The following SLC35F4 variants were observed in gnomAD, a reference collection of about 807,000 sequenced individuals.
SLC35F4 encodes chromosome 14 open reading frame 36.
Under a neutral mutation model 44.2 loss-of-function variants are expected in SLC35F4, and 24 were observed. The observed-to-expected ratio is 0.54, with a 90% CI of 0.39 to 0.76. The LOEUF (loss-of-function observed/expected upper bound fraction) is 0.76. Among genes scored for constraint, SLC35F4 ranks in the 30% least tolerant of loss-of-function variants. The pLI is 0.00. For missense variants in SLC35F4, 562 were observed against 586.1 expected, an observed-to-expected ratio of 0.96 and a Z score of 0.42; for synonymous variants, 238 against 223.6, an observed-to-expected ratio of 1.06 and a Z score of -0.57.
chr14:57,947,305 T>C (rs1242413856), intron 1 of SLC35F4, among the ~76,000 whole-genome samples: 4 of 151,648 alleles, frequency 2.6e-5, no homozygotes, highest in African/African-American at 9.7e-5. Context: ...GTAAAAGGGA[T>C]TGAGTTCCTG....
intron 1 of SLC35F4, among the ~76,000 whole-genome samples, chr14:57,660,078 T>C (rs922637718): frequency 6.6e-6 from 1 of 152,190 alleles, no homozygotes; most frequent in African/African-American, 2.4e-5. Context: ...TTGGAAGATA[T>C]GTGTTGGTTT....
At chr14:57,588,838 G>A (rs1050169677) in intron 3 of SLC35F4, among the ~76,000 whole-genome samples, 18 of 152,030 alleles carry the variant, frequency 1.2e-4, no homozygotes, top group African/African-American at 3.1e-4. Context: ...TATAAAACAC[G>A]ACTTTCAGAA....
At chr14:57,909,478 T>C (rs750112617) in intron 1 of SLC35F4, among the ~76,000 whole-genome samples, 8 of 151,808 alleles carry the variant, frequency 5.3e-5, no homozygotes, top group Non-Finnish European at 1.0e-4. Flanking sequence ...CTGGCAACCA[T>C]TGATCCTTTT....
At chr14:57,584,233 T>TA (rs1322656218) in intron 3 of SLC35F4, among the ~76,000 whole-genome samples, 22 of 152,140 alleles carry the variant, frequency 1.4e-4, no homozygotes, top group Non-Finnish European at 4.4e-5. Flanking sequence ...TAAATGATTA[T>TA]AAAAAACTAC....
intron 3 of SLC35F4, 124 bp from the exon 4 acceptor site, chr14:57,581,557 T>C (rs1329225765): frequency 3.9e-5 from 33 of 848,082 alleles, no homozygotes; most frequent in Non-Finnish European, 5.4e-5. Context: ...CATTGTGAAG[T>C]ATACTGAACC....
chr14:57,918,692 G>A (rs1421451784), intron 1 of SLC35F4, among the ~76,000 whole-genome samples: 3 of 152,142 alleles, frequency 2.0e-5, no homozygotes, highest in Non-Finnish European at 4.4e-5. Flanking sequence ...AAGTGAATTG[G>A]GACCTTGACC....
rs370238817 is a variant in SLC35F4 at position 57,801,435 on chromosome 14, A to G, written c.103+64288T>C. ...ATACACTGAAGCACACAGACCAGTGACACTGCAAAGCAACCACATAAACAA... is the reference window on the plus strand; with the variant it reads ...ATACACTGAAGCACACAGACCAGTGGCACTGCAAAGCAACCACATAAACAA... On this transcript the variant is annotated intron_variant, in intron 1 of 7. Coordinates refer to ENST00000556826, the MANE Select transcript of SLC35F4 (RefSeq NM_001306087.2). 5.9e-5 allele frequency among the ~76,000 whole-genome samples: 9 copies of G among 152,240 alleles called. No homozygotes were observed. In the East Asian group the frequency reaches 1.5e-3, roughly 26 times the overall value.
At chr14:57,978,339 C>T (rs1200536309) in intron 1 of SLC35F4, among the ~76,000 whole-genome samples, 2 of 152,184 alleles carry the variant, frequency 1.3e-5, no homozygotes, top group African/African-American at 4.8e-5. Flanking sequence ...AGAATCGACA[C>T]ATACTTTGGA....
intron 1 of SLC35F4, among the ~76,000 whole-genome samples, chr14:57,642,057 G>C (rs1594676056): frequency 6.6e-6 from 1 of 151,904 alleles, no homozygotes; most frequent in African/African-American, 2.4e-5. Context: ...TGCAAATCTG[G>C]ATTGCTTGAC....
At chr14:57,769,508 C>A (rs994158960) in intron 1 of SLC35F4, among the ~76,000 whole-genome samples, 5 of 152,282 alleles carry the variant, frequency 3.3e-5, no homozygotes, top group Admixed American at 3.3e-4. Flanking sequence ...TTCAGTGTCA[C>A]AAATCCATCA....
At chr14:57,721,852 G>A (rs1025757864) in intron 1 of SLC35F4, among the ~76,000 whole-genome samples, 1 of 152,110 alleles carries the variant, frequency 6.6e-6, no homozygotes, top group Non-Finnish European at 1.5e-5. Flanking sequence ...CTTTATCTGA[G>A]GAGATAAACC....
chr14:57,687,414 G>C (rs1394643089), intron 1 of SLC35F4, among the ~76,000 whole-genome samples: 1 of 152,118 alleles, frequency 6.6e-6, no homozygotes, highest in Admixed American at 6.5e-5. Flanking sequence ...CCTATGACTG[G>C]TCTCCAATAA....
At chr14:57,565,116 T>G (rs773396073) in intron 7 of SLC35F4, among the ~76,000 whole-genome samples, 2 of 152,258 alleles carry the variant, frequency 1.3e-5, no homozygotes, top group Non-Finnish European at 2.9e-5. Flanking sequence ...CATCATAATT[T>G]GGTTATTCAT....
chr14:57,856,215 A>C (rs974527566), intron 1 of SLC35F4, among the ~76,000 whole-genome samples: 7 of 151,966 alleles, frequency 4.6e-5, no homozygotes, highest in Non-Finnish European at 8.8e-5. Flanking sequence ...AGAAATACCT[A>C]ATGTAGGTAA....
At chr14:57,647,026 A>C (rs1278502360) in intron 1 of SLC35F4, among the ~76,000 whole-genome samples, 1 of 152,170 alleles carries the variant, frequency 6.6e-6, no homozygotes, top group Non-Finnish European at 1.5e-5. Context: ...TTTGCTGAGG[A>C]GTGCTTTACT....
intron 1 of SLC35F4, among the ~76,000 whole-genome samples, chr14:57,627,605 T>C (rs534375123): frequency 4.6e-5 from 7 of 152,130 alleles, no homozygotes; most frequent in Non-Finnish European, 8.8e-5. Flanking sequence ...AAAAATCAGA[T>C]GATCACAGTC....
intron 1 of SLC35F4, among the ~76,000 whole-genome samples, chr14:57,656,265 T>C (rs1234834638): frequency 6.6e-6 from 1 of 151,318 alleles, no homozygotes; most frequent in Non-Finnish European, 1.5e-5. Context: ...ACTTGGAAAC[T>C]GGCTCCTATG....
chr14:57,675,888 A>G lies in SLC35F4; in HGVS notation c.104-81764T>C, dbSNP rs565213303. Reference sequence around the variant, plus strand: ...AATTCTAGAAGATAGCATCAGAAAAACTCTTCTAGACATTGGCTTAGGCAA... The same window carrying G: ...AATTCTAGAAGATAGCATCAGAAAAGCTCTTCTAGACATTGGCTTAGGCAA... On this transcript the variant is annotated intron_variant, in intron 1 of 7. Transcript: ENST00000556826. Among the ~76,000 whole-genome samples the G allele has an allele frequency of 2.0e-5, 3 of 152,024 alleles. No individual in the cohort carries two copies. In the South Asian group the frequency reaches 6.2e-4, roughly 32 times the overall value.
At chr14:57,676,402 C>T (rs1432100716) in intron 1 of SLC35F4, among the ~76,000 whole-genome samples, 4 of 151,798 alleles carry the variant, frequency 2.6e-5, no homozygotes, top group Admixed American at 6.6e-5. Context: ...GACGCAGGGG[C>T]AACACACACT....
Sources: allele counts gnomAD v4.1 joint callset (sites outside exome capture counted in the v4.1 genomes callset), GRCh38; gene constraint gnomAD v4.1.1; transcripts MANE v1.5; gene names NCBI Gene and HGNC (gene_info 2026-07-23, HGNC 2026-07-21).